Variants in GALNT13 observed in about 807,000 individuals in gnomAD.
GALNT13 encodes polypeptide N-acetylgalactosaminyltransferase 13.
Under a neutral mutation model 64.2 loss-of-function variants are expected in GALNT13, and 28 were observed. The observed-to-expected ratio is 0.44, with a 90% CI of 0.32 to 0.60. The LOEUF is 0.60. Ranked by LOEUF, GALNT13 falls within the 20% of genes least tolerant of loss-of-function variation. The pLI is 0.05. For missense variants in GALNT13, 577 were observed against 669.8 expected (o/e 0.86, Z 1.53); for synonymous variants, 214 against 224.6 (o/e 0.95, Z 0.42).
the GALNT13 span, among the ~76,000 whole-genome samples, chr2:153,363,070 A>T: frequency 6.6e-6 from 1 of 152,316 alleles, no homozygotes; most frequent in African/African-American, 2.4e-5. Flanking sequence ...AGAACTCAGG[A>T]TTCAGAAACT....
Position 154,378,707 on chromosome 2 carries a change from AT to A in GALNT13, c.1157-17274del, listed in dbSNP as rs199778108. On this transcript the variant is annotated intron_variant, in intron 9 of 12. Transcript: ENST00000392825. ...GACTCTTCGGCTCTGCTTCTATTAA[AT>A]TTTTTTTTTAAATTTCACATATGAG... is the stretch of plus-strand genomic sequence containing the variant. Among the ~76,000 whole-genome samples, 1,197 of 150,768 alleles carry A rather than the reference AT, an allele frequency of 7.9e-3. 17 individuals carry two copies. The highest frequency in any genetic ancestry group is 0.025 in the African/African-American group (1,024 of 41,142).
At chr2:154,324,464 C>G (rs777399889) in intron 9 of GALNT13, among the ~76,000 whole-genome samples, 6 of 152,000 alleles carry the variant, frequency 3.9e-5, no homozygotes, top group Non-Finnish European at 8.8e-5. Context: ...ATTTAACTTA[C>G]TAATTTTGAG....
chr2:154,091,009 A>G (rs1701777541), intron 3 of GALNT13, among the ~76,000 whole-genome samples: 1 of 152,014 alleles, frequency 6.6e-6, no homozygotes, highest in Middle Eastern at 3.4e-3. Flanking sequence ...GGAAGGCCCA[A>G]TTGTTTGCAG....
the GALNT13 span, among the ~76,000 whole-genome samples, chr2:153,291,579 G>C: frequency 1.3e-5 from 2 of 152,008 alleles, no homozygotes; most frequent in Non-Finnish European, 2.9e-5. Context: ...CTGGGCCAGG[G>C]GTTACCCAAA....
chr2:153,345,635 T>TTTTCTTTCTTTCTGTC, the GALNT13 span, among the ~76,000 whole-genome samples: 4 of 68,864 alleles, frequency 5.8e-5, no homozygotes, highest in African/African-American at 2.1e-4. Context: ...TTTCCTTTCT[T>TTTTCTTTCTTTCTGTC]TTTCTTTCTT....
At chr2:153,082,616 TATACACACACACACAC>T in the GALNT13 span, among the ~76,000 whole-genome samples, 393 of 26,516 alleles carry the variant, frequency 0.015, 2 homozygotes, top group Non-Finnish European at 0.02. Context: ...TATATATATA[TATACACACACACACAC>T]ACACACACAC....
At chr2:153,545,248 C>T in the GALNT13 span, among the ~76,000 whole-genome samples, 2 of 152,096 alleles carry the variant, frequency 1.3e-5, no homozygotes, top group African/African-American at 4.8e-5. Context: ...GGCCCTTCTT[C>T]TCAAGGTTCA....
intron 4 of GALNT13, among the ~76,000 whole-genome samples, chr2:154,164,854 A>G (rs12614816): frequency 3.3e-5 from 5 of 152,090 alleles, no homozygotes; most frequent in African/African-American, 1.2e-4. Flanking sequence ...CTAAAAAACA[A>G]GTTTTTGGTT....
the GALNT13 span, among the ~76,000 whole-genome samples, chr2:153,296,152 G>A: frequency 6.6e-6 from 1 of 152,234 alleles, no homozygotes. Context: ...TGAACCCTGT[G>A]ATAATCCTGA....
chr2:153,675,161 A>G, the GALNT13 span, among the ~76,000 whole-genome samples: 1 of 152,240 alleles, frequency 6.6e-6, no homozygotes, highest in Admixed American at 6.5e-5. Context: ...ATCTAGAACT[A>G]GAAATACCAT....
intron 4 of GALNT13, among the ~76,000 whole-genome samples, chr2:154,146,660 A>T (rs1294442640): frequency 6.6e-6 from 1 of 152,102 alleles, no homozygotes; most frequent in Admixed American, 6.6e-5. Flanking sequence ...CATTTGACTT[A>T]TAAAAGCATC....
At chr2:153,525,959 T>C in the GALNT13 span, among the ~76,000 whole-genome samples, 2 of 152,166 alleles carry the variant, frequency 1.3e-5, no homozygotes, top group Non-Finnish European at 2.9e-5. Context: ...CAGATGAGGC[T>C]CCTCTGCCTT....
intron 10 of GALNT13, among the ~76,000 whole-genome samples, chr2:154,402,724 A>G (rs1699354008): frequency 6.6e-6 from 1 of 152,226 alleles, no homozygotes; most frequent in South Asian, 2.1e-4. Flanking sequence ...CTCAGGATTA[A>G]TGACATGACC....
intron 3 of GALNT13, among the ~76,000 whole-genome samples, chr2:153,947,329 CTG>C (rs369975091): frequency 6.6e-5 from 10 of 151,068 alleles, no homozygotes; most frequent in Middle Eastern, 3.4e-3. Context: ...ATTTATGTGA[CTG>C]TGTGTGTGTG....
chr2:153,798,306 A>G, the GALNT13 span, among the ~76,000 whole-genome samples: 1 of 152,200 alleles, frequency 6.6e-6, no homozygotes, highest in Non-Finnish European at 1.5e-5. Flanking sequence ...CCAATTAAAT[A>G]TTTGAACAAT....
intron 3 of GALNT13, among the ~76,000 whole-genome samples, chr2:153,990,341 G>A (rs1018332441): frequency 3.9e-5 from 6 of 152,180 alleles, no homozygotes; most frequent in South Asian, 2.1e-4. Context: ...TGCCAATGGT[G>A]TGTTCTTTGT....
Position 154,028,950 on chromosome 2 carries a change from C to A in GALNT13, c.142+84311C>A, listed in dbSNP as rs138030963. On this transcript the variant is annotated intron_variant, in intron 3 of 12. Transcript: ENST00000392825. Reference sequence around the variant, plus strand: ...CGTAGGGCAACCAGCTAACCTGAAACTTAGGAGGAGACATGAGCACTTGTT... The same window carrying A: ...CGTAGGGCAACCAGCTAACCTGAAAATTAGGAGGAGACATGAGCACTTGTT... Among the ~76,000 whole-genome samples, 93 of 152,072 alleles carry A rather than the reference C, an allele frequency of 6.1e-4. 1 individual carries two copies. The highest frequency in any genetic ancestry group is 2.2e-3 in the African/African-American group (90 of 41,522).
the GALNT13 span, among the ~76,000 whole-genome samples, chr2:153,829,106 G>A: frequency 6.6e-6 from 1 of 152,102 alleles, no homozygotes; most frequent in East Asian, 1.9e-4. Context: ...CATTCAACAA[G>A]TATCTAGGGA....
At chr2:154,372,391 A>T (rs558943565) in intron 9 of GALNT13, among the ~76,000 whole-genome samples, 2 of 152,216 alleles carry the variant, frequency 1.3e-5, no homozygotes, top group South Asian at 4.1e-4. Context: ...TTTCCTAACA[A>T]CTAGAGGCAA....
Sources: allele counts gnomAD v4.1 joint callset (sites outside exome capture counted in the v4.1 genomes callset), GRCh38; gene constraint gnomAD v4.1.1; transcripts MANE v1.5; gene names NCBI Gene and HGNC (gene_info 2026-07-23, HGNC 2026-07-21).